The following CPNE8 variants were observed in gnomAD, a reference collection of about 807,000 sequenced individuals.
CPNE8 encodes copine 8, also known as copine-8.
In CPNE8, 45 loss-of-function variants were observed where a neutral mutation model predicts 81.5. The observed-to-expected ratio is 0.55, with a 90% CI of 0.44 to 0.71. CPNE8 has a LOEUF of 0.71. Ranked by LOEUF, CPNE8 falls within the 30% of genes least tolerant of loss-of-function variation. The pLI is 0.00. For synonymous variants in CPNE8, 252 were observed against 226.3 expected (o/e 1.11, Z -1.02); for missense variants, 594 against 672.1 (o/e 0.88, Z 1.28).
At chr12:38,795,917 C>T (rs539230377) in intron 6 of CPNE8, among the ~76,000 whole-genome samples, 2,228 of 79,472 alleles carry the variant, frequency 0.028, 20 homozygotes, top group Admixed American at 0.039. Flanking sequence ...GATAATACAA[C>T]ATGACCAGTT....
intron 3 of CPNE8, among the ~76,000 whole-genome samples, chr12:38,860,704 T>C (rs148707866): frequency 0.011 from 1,645 of 152,168 alleles, 22 homozygotes; most frequent in South Asian, 0.039. Context: ...ACAACATGGA[T>C]GAATGTGGAA....
Position 38,828,449 on chromosome 12 carries a change from T to C in CPNE8, c.407+930A>G, listed in dbSNP as rs1016493706. On this transcript the variant is annotated intron_variant, in intron 6 of 19. Coordinates refer to ENST00000331366, the MANE Select transcript of CPNE8 (RefSeq NM_153634.3). The stretch of plus-strand genomic sequence containing the variant: ...TTAAATTTCAAAAACTTAGAATTTA[T>C]AGAATTCTTATTAGCCTAATAATTT... 2.0e-5 allele frequency among the ~76,000 whole-genome samples: 3 copies of C among 152,176 alleles called. No homozygotes were observed. In the South Asian group the frequency reaches 6.2e-4, roughly 31 times the overall value.
Position 38,847,050 on chromosome 12 carries a change from G to GA in CPNE8, c.290+1508dup, listed in dbSNP as rs895779748. Among the ~76,000 whole-genome samples the GA allele has an allele frequency of 3.2e-4, 48 of 149,516 alleles. No homozygotes were observed. In the East Asian group the frequency reaches 4.3e-3, roughly 13 times the overall value. ...CTGTATGCATATGTGTATGCTTAAA[G>GA]AAAAAAAAAATCCCAGCATATACAT... On this transcript the variant is annotated intron_variant, in intron 4 of 19. Coordinates refer to ENST00000331366, the MANE Select transcript of CPNE8 (RefSeq NM_153634.3).
intron 1 of CPNE8, among the ~76,000 whole-genome samples, chr12:38,876,589 G>T (rs1342436493): frequency 6.6e-6 from 1 of 152,062 alleles, no homozygotes; most frequent in African/African-American, 2.4e-5. Context: ...ACACATAATG[G>T]TAAGATCAAA....
chr12:38,719,701 T>C (rs1940504912), intron 13 of CPNE8, among the ~76,000 whole-genome samples: 1 of 152,028 alleles, frequency 6.6e-6, no homozygotes. Context: ...TTATTGCTAG[T>C]TGATTTGGAT....
At chr12:38,812,272 G>A (rs757632738) in intron 6 of CPNE8, among the ~76,000 whole-genome samples, 3 of 152,134 alleles carry the variant, frequency 2.0e-5, no homozygotes, top group Non-Finnish European at 2.9e-5. Context: ...CACCCAAATG[G>A]TACAGTGTTG....
intron 10 of CPNE8, among the ~76,000 whole-genome samples, chr12:38,736,215 A>G (rs934096471): frequency 2.5e-5 from 2 of 81,334 alleles, no homozygotes; most frequent in Admixed American, 1.3e-4. Flanking sequence ...TGCTGGGTGT[A>G]TATATGTGTG....
chr12:38,851,950 C>T (rs2137063344), intron 3 of CPNE8, among the ~76,000 whole-genome samples: 1 of 152,232 alleles, frequency 6.6e-6, no homozygotes, highest in East Asian at 1.9e-4. Flanking sequence ...GCTATTTCCT[C>T]TTACTAGAAT....
intron 13 of CPNE8, among the ~76,000 whole-genome samples, chr12:38,704,189 C>A (rs1940026918): frequency 6.6e-6 from 1 of 152,104 alleles, no homozygotes; most frequent in African/African-American, 2.4e-5. Context: ...CATTTGTAAC[C>A]TTAACCTCAG....
At chr12:38,904,126 G>A (rs1361354550) in intron 1 of CPNE8, among the ~76,000 whole-genome samples, 1 of 152,154 alleles carries the variant, frequency 6.6e-6, no homozygotes, top group African/African-American at 2.4e-5. Flanking sequence ...TTTACATCAA[G>A]ATCACCCAAA....
chr12:38,702,967 T>C (rs369650655), intron 13 of CPNE8, 46 bp from the exon 14 acceptor site: 212 of 1,265,188 alleles, frequency 1.7e-4, no homozygotes, highest in Non-Finnish European at 2.3e-4. Flanking sequence ...AATAACCTGA[T>C]AAAAGGAGTT....
intron 1 of CPNE8, among the ~76,000 whole-genome samples, chr12:38,897,696 CAG>C (rs1053216961): frequency 2.0e-5 from 3 of 151,152 alleles, no homozygotes; most frequent in African/African-American, 7.3e-5. Flanking sequence ...TTAATATACA[CAG>C]AGAGAATATA....
intron 11 of CPNE8, among the ~76,000 whole-genome samples, chr12:38,727,419 T>C (rs1437165083): frequency 6.6e-6 from 1 of 152,224 alleles, no homozygotes; most frequent in African/African-American, 2.4e-5. Flanking sequence ...ACACAATGTA[T>C]ATATGTATTG....
chr12:38,799,683 T>C (rs926306892), intron 6 of CPNE8, among the ~76,000 whole-genome samples: 16 of 151,858 alleles, frequency 1.1e-4, no homozygotes, highest in African/African-American at 3.4e-4. Context: ...ACAGCTCCGG[T>C]CTACAGCTCC....
At chr12:38,798,399 T>A (rs994960730) in intron 6 of CPNE8, among the ~76,000 whole-genome samples, 24 of 152,238 alleles carry the variant, frequency 1.6e-4, no homozygotes, top group South Asian at 4.2e-4. Flanking sequence ...AATATTCAAC[T>A]TTCTTAAAGA....
chr12:38,659,987 A>G (rs996677698), intron 19 of CPNE8, among the ~76,000 whole-genome samples: 3 of 152,240 alleles, frequency 2.0e-5, no homozygotes, highest in Admixed American at 6.5e-5. Flanking sequence ...ATGGAAGAAC[A>G]TTCCATGCTC....
intron 6 of CPNE8, among the ~76,000 whole-genome samples, chr12:38,789,173 G>T (rs1942267636): frequency 6.6e-6 from 1 of 151,788 alleles, no homozygotes; most frequent in South Asian, 2.1e-4. Context: ...AACAAAACTG[G>T]AGAAATTACA....
intron 1 of CPNE8, among the ~76,000 whole-genome samples, chr12:38,891,450 T>C (rs78326599): frequency 7.7e-6 from 1 of 130,596 alleles, no homozygotes; most frequent in Non-Finnish European, 1.5e-5. Flanking sequence ...TATAAACTAA[T>C]TTTTTTTTTT....
chr12:38,721,016 G>C (rs1423218831), intron 13 of CPNE8: 1 of 152,734 alleles, frequency 6.5e-6, no homozygotes, highest in South Asian at 2.1e-4. Context: ...AGGCTCAGAA[G>C]TGCCTACTCC....
Sources: allele counts gnomAD v4.1 joint callset (sites outside exome capture counted in the v4.1 genomes callset), GRCh38; gene constraint gnomAD v4.1.1; transcripts MANE v1.5; gene names NCBI Gene and HGNC (gene_info 2026-07-23, HGNC 2026-07-21).